PIK3R3: variants seen among roughly 807,000 people sequenced by gnomAD.
The protein encoded by PIK3R3 is phosphoinositide-3-kinase regulatory subunit 3.
A neutral mutation model predicts 62.9 loss-of-function variants in PIK3R3; 64 were observed. The ratio of observed to expected loss-of-function variants is 1.02; its 90% confidence interval spans 0.83 to 1.25. The LOEUF (loss-of-function observed/expected upper bound fraction) is 1.25, where lower values mean the gene tolerates loss of function less well. PIK3R3 is among the 50% of genes most tolerant of loss of function. PIK3R3 has a pLI of 0.00. For missense variants in PIK3R3, 614 were observed against 561.6 expected, an observed-to-expected ratio of 1.09 and a Z score of -0.94; for synonymous variants, 165 against 189.0, an observed-to-expected ratio of 0.87 and a Z score of 1.04.
In PIK3R3 at chr1:46,041,295, G is replaced by A. The variant is rs1047181767; in HGVS notation, c.*2378C>T. On this transcript the variant is annotated 3_prime_UTR_variant, in exon 10 of 10. Coordinates refer to ENST00000262741, the MANE Select transcript of PIK3R3 (RefSeq NM_003629.4). ...GGGTCAAGCAAGTCATGTGGCAACT[G>A]GTCAGAAAAGATACTGTCAAACCTC... 6.3e-6 allele frequency: 1 copy of A among 158,126 alleles called. No homozygotes were observed. Among genetic ancestry groups the A allele is most frequent in the Admixed American group, 6.5e-5 (1 of 15,358 alleles). The allele number at this position is 158,126 out of a possible 1,614,324, so 9.8% of individuals were successfully genotyped here.
At chr1:46,111,914 C>G (rs192925728) in intron 1 of PIK3R3, among the ~76,000 whole-genome samples, 25 of 152,226 alleles carry the variant, frequency 1.6e-4, no homozygotes, top group African/African-American at 5.8e-4. Context: ...TCAGTGAGGC[C>G]TCCTCTGACT....
At chr1:46,090,931 G>T (rs903156168) in intron 1 of PIK3R3, among the ~76,000 whole-genome samples, 1 of 152,078 alleles carries the variant, frequency 6.6e-6, no homozygotes, top group South Asian at 2.1e-4. Flanking sequence ...TGGTATTGAT[G>T]ATCTGCCTGG....
At chr1:46,174,858 C>T in the PIK3R3 span, among the ~76,000 whole-genome samples, 5 of 152,112 alleles carry the variant, frequency 3.3e-5, no homozygotes, top group Non-Finnish European at 7.3e-5. Flanking sequence ...GTTGAAGGGC[C>T]GAAGGTAGTA....
At chr1:46,172,112 G>A in the PIK3R3 span, among the ~76,000 whole-genome samples, 3 of 152,214 alleles carry the variant, frequency 2.0e-5, no homozygotes, top group East Asian at 3.9e-4. Flanking sequence ...CTCACCTCCC[G>A]ATTCGGTGGC....
chr1:46,043,348 A>G lies in PIK3R3; in HGVS notation c.*325T>C. On this transcript the variant is annotated 3_prime_UTR_variant, in exon 10 of 10. Coordinates refer to ENST00000262741, the MANE Select transcript of PIK3R3 (RefSeq NM_003629.4). ...GTCTCTTCAGAGGCTTCCAAATACA[A>G]CCCCACCCGCTATAACCATCAAGCC... 1 of 382,124 alleles carries G rather than the reference A, an allele frequency of 2.6e-6. No individual in the cohort carries two copies. Among genetic ancestry groups the G allele is most frequent in the Non-Finnish European group, 4.9e-6 (1 of 204,604 alleles). The allele number at this position is 382,124 out of a possible 1,614,324, so 23.7% of individuals were successfully genotyped here. A position where few individuals can be genotyped will look rare whatever the true frequency, so the allele number is the denominator to read the frequency against.
At chr1:46,093,137 C>T (rs769980804) in intron 1 of PIK3R3, among the ~76,000 whole-genome samples, 4 of 152,142 alleles carry the variant, frequency 2.6e-5, no homozygotes, top group African/African-American at 4.8e-5. Context: ...GAACCAAAAA[C>T]GGCAAACATA....
chr1:46,129,229 T>G (rs919768170), intron 1 of PIK3R3, among the ~76,000 whole-genome samples: 1 of 152,106 alleles, frequency 6.6e-6, no homozygotes, highest in African/African-American at 2.4e-5. Flanking sequence ...ATGTAACTAT[T>G]GTGAGTGAAA....
Position 46,109,703 on chromosome 1 carries a change from C to T in PIK3R3, c.106+22144G>A, listed in dbSNP as rs138491042. ...TTCACCATATTGGCCAGGCTGGTCT[C>T]GAACTTCTGACCCCATGATCCGCCC... On this transcript the variant is annotated intron_variant, in intron 1 of 9. Coordinates refer to ENST00000262741, the MANE Select transcript of PIK3R3 (RefSeq NM_003629.4). 3.5e-3 allele frequency among the ~76,000 whole-genome samples: 538 copies of T among 152,134 alleles called. 6 individuals are homozygous for T. Among genetic ancestry groups the T allele is most frequent in the East Asian group, 0.034 (175 of 5,162 alleles).
the PIK3R3 span, among the ~76,000 whole-genome samples, chr1:46,170,257 G>A: frequency 6.6e-6 from 1 of 152,196 alleles, no homozygotes; most frequent in Non-Finnish European, 1.5e-5. Context: ...GCTGGGGTCA[G>A]CATATTATGC....
At chr1:46,141,763 C>T in the PIK3R3 span, among the ~76,000 whole-genome samples, 1 of 152,198 alleles carries the variant, frequency 6.6e-6, no homozygotes, top group Non-Finnish European at 1.5e-5. Context: ...CTCCCAGTGT[C>T]ATCAAATGTC....
chr1:46,152,602 G>A, the PIK3R3 span, among the ~76,000 whole-genome samples: 10 of 130,994 alleles, frequency 7.6e-5, no homozygotes, highest in Non-Finnish European at 1.1e-4. Context: ...TCACTCTGTC[G>A]CCCAGGCTGG....
chr1:46,146,255 C>T, the PIK3R3 span, among the ~76,000 whole-genome samples: 1 of 152,190 alleles, frequency 6.6e-6, no homozygotes, highest in Non-Finnish European at 1.5e-5. Flanking sequence ...TCCTCGTGAA[C>T]TCTAATGCTG....
the PIK3R3 span, among the ~76,000 whole-genome samples, chr1:46,153,726 A>G: frequency 6.6e-6 from 1 of 152,210 alleles, no homozygotes; most frequent in Admixed American, 6.5e-5. Flanking sequence ...CTCACTTCTC[A>G]CAGAGAGTGT....
chr1:46,120,745 C>A (rs1434269787), intron 1 of PIK3R3, among the ~76,000 whole-genome samples: 1 of 152,166 alleles, frequency 6.6e-6, no homozygotes. Flanking sequence ...TTAACAGAAT[C>A]TCTCCCCAAT....
chr1:46,170,226 A>G, the PIK3R3 span, among the ~76,000 whole-genome samples: 3 of 152,152 alleles, frequency 2.0e-5, no homozygotes, highest in Admixed American at 2.0e-4. Context: ...TGGTAACTGC[A>G]GTTATGGGGA....
upstream of PIK3R3, chr1:46,133,048 G>A: frequency 9.8e-7 from 1 of 1,022,334 alleles, no homozygotes; most frequent in Non-Finnish European, 1.2e-6. Context: ...CCGGAGCCTG[G>A]AGCCTGCGTC....
intron 1 of PIK3R3, among the ~76,000 whole-genome samples, chr1:46,122,408 C>T (rs1424292153): frequency 6.6e-6 from 1 of 152,142 alleles, no homozygotes; most frequent in Non-Finnish European, 1.5e-5. Flanking sequence ...CTCGCTCTGT[C>T]ACCCAGGCTG....
the PIK3R3 span, among the ~76,000 whole-genome samples, chr1:46,165,601 T>C: frequency 3.3e-5 from 5 of 150,020 alleles, no homozygotes; most frequent in African/African-American, 9.8e-5. Flanking sequence ...CCACTGCGCC[T>C]GGCCCCTATT....
chr1:46,119,260 A>G (rs1369703436), intron 1 of PIK3R3, among the ~76,000 whole-genome samples: 1 of 152,224 alleles, frequency 6.6e-6, no homozygotes, highest in East Asian at 1.9e-4. Flanking sequence ...TGGCAGTCAA[A>G]TATTTGTTGA....
Sources: gnomAD v4.1 joint callset for allele counts (sites outside exome capture counted in the v4.1 genomes callset) on GRCh38, gnomAD v4.1.1 for gene constraint, MANE v1.5 for transcripts, NCBI Gene and HGNC (gene_info 2026-07-23, HGNC 2026-07-21) for gene names.